ZNF83: variants seen among roughly 807,000 people sequenced by gnomAD.
The protein encoded by ZNF83 is zinc finger protein 816B.
For synonymous variants in ZNF83, 209 were observed against 213.0 expected (o/e 0.98, Z 0.17); for missense variants, 552 against 629.9 (o/e 0.88, Z 1.32).
intron 3 of ZNF83, among the ~76,000 whole-genome samples, chr19:52,646,414 T>C (rs1347695810): frequency 1.3e-5 from 2 of 152,094 alleles, no homozygotes; most frequent in Non-Finnish European, 2.9e-5. Flanking sequence ...CTGGGATTGG[T>C]GGCTCATGCC....
intron 1 of ZNF83, among the ~76,000 whole-genome samples, chr19:52,681,280 C>CAAAAAA (rs56916405): frequency 0.087 from 6,567 of 75,116 alleles, 537 homozygotes; most frequent in Non-Finnish European, 0.11. Flanking sequence ...GAGACTTTCT[C>CAAAAAA]AAAAAAAAAA....
intron 3 of ZNF83, chr19:52,650,856 AG>A (rs1342567214): frequency 6.6e-6 from 1 of 152,224 alleles, no homozygotes; most frequent in Non-Finnish European, 1.5e-5. Context: ...TGTTTACTAC[AG>A]CAGAAGAAAG....
chr19:52,620,986 C>A (rs1222788053), intron 2 of ZNF83, among the ~76,000 whole-genome samples: 5 of 152,216 alleles, frequency 3.3e-5, no homozygotes, highest in Admixed American at 6.5e-5. Flanking sequence ...TATAAAACTG[C>A]CACTCCCCTA....
chr19:52,632,939 A>G (rs964535435), intron 2 of ZNF83, among the ~76,000 whole-genome samples: 42 of 152,152 alleles, frequency 2.8e-4, no homozygotes, highest in Admixed American at 2.1e-3. Flanking sequence ...AGCAGCCCAG[A>G]GAAACATCGT....
intron 1 of ZNF83, among the ~76,000 whole-genome samples, chr19:52,681,535 C>T (rs2061920793): frequency 6.6e-6 from 1 of 152,110 alleles, no homozygotes; most frequent in Non-Finnish European, 1.5e-5. Flanking sequence ...AAGTGCTTCC[C>T]ATGTCTTAAG....
chr19:52,672,122 T>C (rs367687662), intron 1 of ZNF83, among the ~76,000 whole-genome samples: 14 of 152,194 alleles, frequency 9.2e-5, no homozygotes, highest in East Asian at 7.7e-4. Flanking sequence ...TAATCTCAGC[T>C]ACTCAGGAGA....
chr19:52,638,451 G>A (rs2061232311), upstream of ZNF83: 1 of 151,844 alleles, frequency 6.6e-6, no homozygotes, highest in African/African-American at 2.4e-5. Context: ...GGGAAGCCGA[G>A]AGACTTTCCC....
intron 1 of ZNF83, among the ~76,000 whole-genome samples, chr19:52,681,202 G>A (rs1207434627): frequency 1.4e-5 from 2 of 146,296 alleles, no homozygotes; most frequent in East Asian, 2.0e-4. Context: ...GGAGAATCTC[G>A]AGCCCAGGAG....
exon 3 of ZNF83, chr19:52,614,499 C>T (rs754557901): frequency 6.2e-7 from 1 of 1,608,180 alleles, no homozygotes. Context: ...GTAGATGTGA[C>T]TGCGGGTTTA....
At chr19:52,654,402 A>G in intron 3 of ZNF83, 1 of 1,122,448 alleles carries the variant, frequency 8.9e-7, no homozygotes, top group Non-Finnish European at 1.3e-6. Context: ...TTAAAGAGCT[A>G]TCTAAAAAAT....
intron 2 of ZNF83, among the ~76,000 whole-genome samples, chr19:52,627,912 C>T (rs1212143922): frequency 6.6e-6 from 1 of 152,140 alleles, no homozygotes; most frequent in African/African-American, 2.4e-5. Context: ...TGAAAATGGC[C>T]TGTTCCTGCC....
At chr19:52,677,792 G>C (rs1324318961) in intron 1 of ZNF83, among the ~76,000 whole-genome samples, 4 of 152,074 alleles carry the variant, frequency 2.6e-5, no homozygotes, top group African/African-American at 9.7e-5. Context: ...CCAACACTTT[G>C]GGAAGTGGAG....
intron 2 of ZNF83, among the ~76,000 whole-genome samples, chr19:52,625,163 G>C (rs1377190156): frequency 6.6e-6 from 1 of 152,050 alleles, no homozygotes; most frequent in African/African-American, 2.4e-5. Context: ...CTATCATTGA[G>C]GCTACCACTC....
intron 1 of ZNF83, among the ~76,000 whole-genome samples, chr19:52,662,847 T>C (rs1280085793): frequency 6.6e-6 from 1 of 152,046 alleles, no homozygotes; most frequent in Non-Finnish European, 1.5e-5. Flanking sequence ...GCCAACAGAA[T>C]GTGTTGGTTT....
chr19:52,669,721 T>G (rs574535465), intron 1 of ZNF83, among the ~76,000 whole-genome samples: 1 of 152,162 alleles, frequency 6.6e-6, no homozygotes, highest in Admixed American at 6.5e-5. Flanking sequence ...AAAAGAATAG[T>G]AGCCTCAATT....
intron 2 of ZNF83, among the ~76,000 whole-genome samples, chr19:52,627,428 G>A (rs553204757): frequency 1.3e-5 from 2 of 152,174 alleles, no homozygotes; most frequent in African/African-American, 4.8e-5. Flanking sequence ...TTGGGAGGCC[G>A]AGGTGGGTGG....
At chr19:52,652,294 G>T in intron 3 of ZNF83, 1 of 243,812 alleles carries the variant, frequency 4.1e-6, no homozygotes, top group Non-Finnish European at 8.1e-6. Context: ...AAATTAGCCA[G>T]GCTTGGTGGA....
At chr19:52,668,887 T>C (rs764681518) in intron 1 of ZNF83, among the ~76,000 whole-genome samples, 1 of 148,456 alleles carries the variant, frequency 6.7e-6, no homozygotes, top group Non-Finnish European at 1.5e-5. Flanking sequence ...TGCCAAGCTC[T>C]CTCTGTCTGC....
At chr19:52,688,670 C>T (rs6509672) in intron 1 of ZNF83, among the ~76,000 whole-genome samples, 104,512 of 151,564 alleles carry the variant, frequency 0.69, 37,564 homozygotes, top group African/African-American at 0.91. Context: ...TGTAACTTAT[C>T]TAACATCTTG....
Sources: gnomAD v4.1 joint callset for allele counts (sites outside exome capture counted in the v4.1 genomes callset) on GRCh38, gnomAD v4.1.1 for gene constraint, MANE v1.5 for transcripts, NCBI Gene and HGNC (gene_info 2026-07-23, HGNC 2026-07-21) for gene names.